Variants in EPHA6 observed in about 807,000 individuals in gnomAD.
EPHA6 encodes the protein ephrin type-A receptor 6.
Under a neutral mutation model 112.0 loss-of-function variants are expected in EPHA6, and 50 were observed. That is an observed-to-expected ratio of 0.45 (90% confidence interval 0.36 to 0.56). The LOEUF (loss-of-function observed/expected upper bound fraction) is 0.56. Among genes scored for constraint, EPHA6 ranks in the 20% least tolerant of loss-of-function variants. The pLI, the probability that EPHA6 is intolerant of heterozygous loss-of-function variation, is 0.00. For synonymous variants in EPHA6, 529 were observed against 490.7 expected, an observed-to-expected ratio of 1.08 and a Z score of -1.03; for missense variants, 1,280 against 1,417.4, an observed-to-expected ratio of 0.90 and a Z score of 1.56.
At chr3:97,031,416 C>T (rs2044835932) in intron 3 of EPHA6, among the ~76,000 whole-genome samples, 1 of 152,056 alleles carries the variant, frequency 6.6e-6, no homozygotes, top group Non-Finnish European at 1.5e-5. Context: ...ACACCAAAAG[C>T]AATGGCAACA....
intron 3 of EPHA6, among the ~76,000 whole-genome samples, chr3:97,126,601 G>C (rs898670910): frequency 3.3e-5 from 5 of 151,834 alleles, no homozygotes; most frequent in Non-Finnish European, 4.4e-5. Flanking sequence ...CACACCAAAA[G>C]ATGACAAATT....
intron 14 of EPHA6, among the ~76,000 whole-genome samples, chr3:97,700,815 C>T (rs992509089): frequency 6.6e-6 from 1 of 152,082 alleles, no homozygotes; most frequent in Non-Finnish European, 1.5e-5. Context: ...AATAGATGTA[C>T]AAAGATGTAA....
At chr3:97,259,214 A>G (rs1214941588) in intron 5 of EPHA6, among the ~76,000 whole-genome samples, 2 of 152,174 alleles carry the variant, frequency 1.3e-5, no homozygotes, top group East Asian at 3.8e-4. Flanking sequence ...AAACCTCACT[A>G]TATCTGGTTC....
At chr3:97,564,464 A>AT (rs1487332431) in intron 11 of EPHA6, among the ~76,000 whole-genome samples, 1 of 152,104 alleles carries the variant, frequency 6.6e-6, no homozygotes. Flanking sequence ...CATTACACTT[A>AT]TTTTTTTCTC....
intron 11 of EPHA6, among the ~76,000 whole-genome samples, chr3:97,553,088 G>A (rs2093051386): frequency 6.6e-6 from 1 of 151,994 alleles, no homozygotes; most frequent in Admixed American, 6.6e-5. Context: ...CACTTTTGCA[G>A]CCGGATTAAT....
chr3:97,705,312 T>G (rs1248331944), intron 14 of EPHA6, among the ~76,000 whole-genome samples: 1 of 152,124 alleles, frequency 6.6e-6, no homozygotes, highest in African/African-American at 2.4e-5. Flanking sequence ...CTAACTCTAT[T>G]CATCTTTCAT....
At chr3:97,234,626 A>T (rs1201625140) in intron 4 of EPHA6, among the ~76,000 whole-genome samples, 3 of 152,060 alleles carry the variant, frequency 2.0e-5, no homozygotes, top group African/African-American at 7.2e-5. Context: ...AATCTAAGAC[A>T]TTGCAATCTC....
At chr3:96,970,266 CAA>C (rs1491090145) in intron 2 of EPHA6, among the ~76,000 whole-genome samples, 26 of 144,742 alleles carry the variant, frequency 1.8e-4, no homozygotes, top group African/African-American at 6.0e-4. Flanking sequence ...CACACACACA[CAA>C]ACACACACAC....
chr3:97,405,847 A>G (rs976578803), intron 6 of EPHA6, among the ~76,000 whole-genome samples: 16 of 152,054 alleles, frequency 1.1e-4, no homozygotes, highest in African/African-American at 3.6e-4. Context: ...TGGAACCCTT[A>G]TTTCCATTTT....
At chr3:96,887,060 A>G (rs1344100808) in intron 2 of EPHA6, among the ~76,000 whole-genome samples, 1 of 152,158 alleles carries the variant, frequency 6.6e-6, no homozygotes, top group Non-Finnish European at 1.5e-5. Flanking sequence ...CTTATTGACT[A>G]ACGTCCTGAA....
At chr3:97,111,652 C>T in intron 3 of EPHA6, among the ~76,000 whole-genome samples, 1 of 152,070 alleles carries the variant, frequency 6.6e-6, no homozygotes, top group East Asian at 1.9e-4. Flanking sequence ...TATTTTCTCA[C>T]AATTTACAAC....
intron 11 of EPHA6, among the ~76,000 whole-genome samples, chr3:97,582,305 A>C (rs914801236): frequency 4.6e-5 from 7 of 152,172 alleles, no homozygotes; most frequent in Non-Finnish European, 8.8e-5. Flanking sequence ...CTAGCATTGC[A>C]GGTGTGAGCC....
At chr3:97,017,631 G>C (rs2044308889) in intron 3 of EPHA6, among the ~76,000 whole-genome samples, 1 of 152,178 alleles carries the variant, frequency 6.6e-6, no homozygotes, top group Non-Finnish European at 1.5e-5. Flanking sequence ...ACCATTTAGG[G>C]TAGTGAAGGA....
chr3:97,071,473 A>G (rs1183635315), intron 3 of EPHA6, among the ~76,000 whole-genome samples: 1 of 152,070 alleles, frequency 6.6e-6, no homozygotes, highest in East Asian at 1.9e-4. Flanking sequence ...AGGCCTCAGA[A>G]TCATGGCGGA....
intron 10 of EPHA6, among the ~76,000 whole-genome samples, chr3:97,514,257 C>G (rs543847845): frequency 2.0e-5 from 3 of 152,232 alleles, no homozygotes; most frequent in African/African-American, 7.2e-5. Flanking sequence ...GCTCATGGCC[C>G]TTCTCTGTCT....
chr3:97,315,221 C>A (rs2081763706), intron 5 of EPHA6, among the ~76,000 whole-genome samples: 1 of 151,546 alleles, frequency 6.6e-6, no homozygotes, highest in Non-Finnish European at 1.5e-5. Flanking sequence ...GAAACTGACA[C>A]CTAGATATAG....
chr3:97,064,370 A>G (rs1576420420), intron 3 of EPHA6, among the ~76,000 whole-genome samples: 1 of 152,280 alleles, frequency 6.6e-6, no homozygotes, highest in African/African-American at 2.4e-5. Context: ...AATCCTAGCA[A>G]GATTATATTC....
At chr3:97,366,025 T>A (rs181991428) in intron 5 of EPHA6, among the ~76,000 whole-genome samples, 35 of 152,294 alleles carry the variant, frequency 2.3e-4, no homozygotes, top group Admixed American at 1.7e-3. Flanking sequence ...AATTTCTCTC[T>A]CACAACAGTT....
At chr3:96,863,419 T>C (rs1182108160) in intron 1 of EPHA6, among the ~76,000 whole-genome samples, 1 of 151,978 alleles carries the variant, frequency 6.6e-6, no homozygotes, top group Non-Finnish European at 1.5e-5. Flanking sequence ...ATGATAAAAT[T>C]AAAATATTTA....
Sources: gnomAD v4.1 joint callset for allele counts (sites outside exome capture counted in the v4.1 genomes callset) on GRCh38, gnomAD v4.1.1 for gene constraint, MANE v1.5 for transcripts, NCBI Gene and HGNC (gene_info 2026-07-23, HGNC 2026-07-21) for gene names.